ANXA11: variants seen among roughly 807,000 people sequenced by gnomAD.
ANXA11 encodes 56 kDa autoantigen.
ANXA11 carries 57 observed loss-of-function variants against 64.7 expected under a neutral mutation model. The ratio of observed to expected loss-of-function variants is 0.88; its 90% confidence interval spans 0.71 to 1.10. The LOEUF (loss-of-function observed/expected upper bound fraction) is 1.10, where lower values mean the gene tolerates loss of function less well. Ranked by LOEUF, ANXA11 falls within the 50% of genes least tolerant of loss-of-function variation. The pLI is 0.00. For synonymous variants in ANXA11, 260 were observed against 265.2 expected (o/e 0.98, Z 0.19); for missense variants, 675 against 670.7 (o/e 1.01, Z -0.07).
chr10:80,169,731 A>G (rs565976006), intron 4 of ANXA11, among the ~76,000 whole-genome samples: 29 of 152,202 alleles, frequency 1.9e-4, no homozygotes, highest in African/African-American at 6.3e-4. Flanking sequence ...TGCTACCCAC[A>G]GACACCTCTG....
At chr10:80,202,653 C>T (rs1341531027) in intron 1 of ANXA11, among the ~76,000 whole-genome samples, 2 of 152,142 alleles carry the variant, frequency 1.3e-5, no homozygotes, top group Non-Finnish European at 2.9e-5. Flanking sequence ...AAGTCTACTT[C>T]CTTGGCAGTG....
At chr10:80,198,651 T>C (rs1840275896) in intron 1 of ANXA11, among the ~76,000 whole-genome samples, 5 of 152,142 alleles carry the variant, frequency 3.3e-5, no homozygotes, top group Admixed American at 2.6e-4. Context: ...TTGAGAATGC[T>C]AGGGACAACA....
At chr10:80,160,152 T>C (rs1053054781) in intron 12 of ANXA11, among the ~76,000 whole-genome samples, 6 of 152,244 alleles carry the variant, frequency 3.9e-5, no homozygotes, top group Non-Finnish European at 7.3e-5. Context: ...TGTGTATCTG[T>C]CTCAATTAAT....
At chr10:80,164,293 G>A (rs1368635443) in intron 8 of ANXA11, 150 bp from the exon 9 acceptor site, 22 of 608,550 alleles carry the variant, frequency 3.6e-5, no homozygotes, top group Middle Eastern at 4.4e-4. Flanking sequence ...TCCCAGGCTC[G>A]AGGGCATCAG....
chr10:80,164,251 G>T (rs1167683094), intron 8 of ANXA11, 108 bp from the exon 9 acceptor site: 4 of 809,744 alleles, frequency 4.9e-6, no homozygotes, highest in East Asian at 2.6e-5. Flanking sequence ...AGCAACAGAG[G>T]CCCCTGACAC....
Position 80,166,136 on chromosome 10 carries a change from A to G in ANXA11, c.806T>C (p.Leu269Pro). The part of the protein sequence containing the change: ...SGNFEKTILA[L>P]MKTPVLFDIY... Reference sequence around the variant, plus strand: ...GTCAAAGAGGACTGGGGTCTTCATCAGAGCCAAGATTGTCTTCTCAAAGTT... The same window carrying G: ...GTCAAAGAGGACTGGGGTCTTCATCGGAGCCAAGATTGTCTTCTCAAAGTT... The change falls in exon 8 of 16, where the codon CTG (leucine) becomes CCG (proline). Residue 269 changes from leucine to proline, a missense_variant. Physicochemically the swap from Leu to Pro is moderately conservative, Grantham distance 98. Coordinates refer to ENST00000422982, the MANE Select transcript of ANXA11 (RefSeq NM_145868.2). 6.2e-7 allele frequency: 1 copy of G among 1,613,744 alleles called. No homozygotes were observed.
chr10:80,181,209 G>A lies in ANXA11; in HGVS notation c.-57-5054C>T, dbSNP rs1389852083. ...CCCATGCCTATAATCCCAGCACTTT[G>A]GGAGGCTGACGCAGGCAGATCATTT... On this transcript the variant is annotated intron_variant, in intron 1 of 15. Transcript: ENST00000422982. 2.0e-5 allele frequency: 3 copies of A among 152,242 alleles called. No individual in the cohort carries two copies. In the East Asian group the frequency reaches 5.8e-4, roughly 29 times the overall value. 9.4% of individuals were successfully genotyped at this position (152,242 alleles called of 1,614,324 possible).
Position 80,166,113 on chromosome 10 carries a change from C to T in ANXA11, c.829G>A (p.Asp277Asn). 1 of 1,610,330 alleles carries T rather than the reference C, an allele frequency of 6.2e-7. No homozygotes were observed. The highest frequency in any genetic ancestry group is 8.5e-7 in the Non-Finnish European group (1 of 1,177,390). The stretch of plus-strand genomic sequence containing the variant: ...ATGGCTTCCTTTATCTCATAAATGT[C>T]AAAGAGGACTGGGGTCTTCATCAGA... The part of the protein sequence containing the change: ...LALMKTPVLF[D>N]IYEIKEAIKG... The change falls in exon 8 of 16, where the codon GAC becomes AAC. Residue 277 changes from aspartate to asparagine, a missense_variant. Asp to Asn is a conservative substitution (Grantham distance 23). Coordinates refer to ENST00000422982, the MANE Select transcript of ANXA11 (RefSeq NM_145868.2).
intron 6 of ANXA11, 106 bp downstream of exon 6, chr10:80,167,120 G>T: frequency 1.5e-6 from 2 of 1,314,278 alleles, no homozygotes; most frequent in East Asian, 4.8e-5. Flanking sequence ...ATCACCACTG[G>T]GGCCAGGTCA....
intron 3 of ANXA11, chr10:80,171,370 T>A: frequency 5.3e-6 from 3 of 565,636 alleles, no homozygotes; most frequent in Non-Finnish European, 6.8e-6. Flanking sequence ...TACAAGTCTG[T>A]AAAAGGCAGG....
At chr10:80,161,614 T>C (rs924622987) in intron 12 of ANXA11, among the ~76,000 whole-genome samples, 5 of 152,264 alleles carry the variant, frequency 3.3e-5, no homozygotes, top group South Asian at 2.1e-4. Context: ...CCCAGTTTTA[T>C]TGTTATGACT....
intron 1 of ANXA11, among the ~76,000 whole-genome samples, chr10:80,187,654 C>T (rs888916111): frequency 3.3e-5 from 5 of 149,342 alleles, no homozygotes; most frequent in African/African-American, 1.2e-4. Context: ...GGAGGAGACA[C>T]AGGTCTCTGT....
At chr10:80,155,954 A>G (rs755985045) in intron 15 of ANXA11, 42 bp from the exon 16 acceptor site, 2 of 1,584,764 alleles carry the variant, frequency 1.3e-6, no homozygotes, top group Admixed American at 1.7e-5. Flanking sequence ...AGGGAGGGAC[A>G]GTCACTTTCA....
intron 3 of ANXA11, 133 bp downstream of exon 3, chr10:80,172,674 T>C (rs1846024273): frequency 1.1e-6 from 1 of 892,812 alleles, no homozygotes; most frequent in Admixed American, 1.9e-5. Flanking sequence ...CTACTCCTGT[T>C]GTCCTCTCCT....
Position 80,159,200 on chromosome 10 carries a change from G to A in ANXA11, c.1181-5C>T, listed in dbSNP as rs75810295. 10,963 of 1,611,962 alleles carry A rather than the reference G, an allele frequency of 6.8e-3. 647 individuals carry two copies. In the African/African-American group the frequency reaches 0.13, roughly 19 times the overall value. ...TTCTCTGGTACTCATTGAAAACTATGGGGATGACAGAGGCTTATATTATGA... is the reference window on the plus strand; with the variant it reads ...TTCTCTGGTACTCATTGAAAACTATAGGGATGACAGAGGCTTATATTATGA... On this transcript the variant is annotated splice_region_variant and splice_polypyrimidine_tract_variant and intron_variant, in intron 12 of 15. Transcript: ENST00000422982.
intron 1 of ANXA11, among the ~76,000 whole-genome samples, chr10:80,189,058 C>A (rs1428819373): frequency 6.6e-6 from 1 of 152,128 alleles, no homozygotes; most frequent in Non-Finnish European, 1.5e-5. Flanking sequence ...CCTGTGAATG[C>A]GTTACTTTAG....
At chr10:80,169,800 G>A (rs753607737) in intron 4 of ANXA11, among the ~76,000 whole-genome samples, 3 of 152,156 alleles carry the variant, frequency 2.0e-5, no homozygotes, top group African/African-American at 7.2e-5. Flanking sequence ...TCCTTAGGAT[G>A]GATAGCCTCC....
chr10:80,178,229 C>A (rs1199749339), intron 1 of ANXA11, among the ~76,000 whole-genome samples: 1 of 152,134 alleles, frequency 6.6e-6, no homozygotes. Context: ...CTCTCTCTCT[C>A]TCTCTGGCAT....
At chr10:80,174,052 C>T (rs372133696) in intron 2 of ANXA11, among the ~76,000 whole-genome samples, 1 of 152,114 alleles carries the variant, frequency 6.6e-6, no homozygotes, top group South Asian at 2.1e-4. Flanking sequence ...AAGAACTGGG[C>T]ATATTGGGTT....
Sources: allele counts gnomAD v4.1 joint callset (sites outside exome capture counted in the v4.1 genomes callset), GRCh38; gene constraint gnomAD v4.1.1; transcripts MANE v1.5; gene names NCBI Gene and HGNC (gene_info 2026-07-23, HGNC 2026-07-21).